The following MAGI3 variants were observed in gnomAD, a reference collection of about 807,000 sequenced individuals.
The protein encoded by MAGI3 is membrane associated guanylate kinase, WW and PDZ domain containing 3.
A neutral mutation model predicts 121.8 loss-of-function variants in MAGI3; 43 were observed. The observed-to-expected ratio is 0.35, with a 90% confidence interval of 0.28 to 0.46. MAGI3 has a LOEUF of 0.46. Ranked by LOEUF, MAGI3 falls within the 20% of genes least tolerant of loss-of-function variation. The probability of loss-of-function intolerance (pLI) is 1.00; values close to 1 mark genes in which losing one functional copy is unlikely to be tolerated. For missense variants in MAGI3, 1,547 were observed against 1,797.3 expected, an observed-to-expected ratio of 0.86 and a Z score of 2.52; for synonymous variants, 553 against 639.3, an observed-to-expected ratio of 0.86 and a Z score of 2.04.
intron 1 of MAGI3, among the ~76,000 whole-genome samples, chr1:113,432,107 C>T (rs1391306056): frequency 6.6e-6 from 1 of 152,098 alleles, no homozygotes; most frequent in Non-Finnish European, 1.5e-5. Flanking sequence ...ATAAACTGTT[C>T]ACTATATATT....
intron 18 of MAGI3, 25 bp from the exon 19 acceptor site, chr1:113,673,297 T>A: frequency 6.2e-7 from 1 of 1,604,084 alleles, no homozygotes. Flanking sequence ...GAGAACTTGC[T>A]TTTCTTATAC....
intron 1 of MAGI3, among the ~76,000 whole-genome samples, chr1:113,477,883 TC>T (rs1171852084): frequency 6.6e-6 from 1 of 152,246 alleles, no homozygotes; most frequent in Non-Finnish European, 1.5e-5. Flanking sequence ...GTAGATTTGG[TC>T]TTTTCACATA....
At chr1:113,536,517 T>C (rs1416303996) in intron 1 of MAGI3, among the ~76,000 whole-genome samples, 3 of 152,202 alleles carry the variant, frequency 2.0e-5, no homozygotes, top group African/African-American at 7.2e-5. Context: ...CTGAATTGCT[T>C]TTTTCAAATG....
chr1:113,526,164 G>C (rs11578447), intron 1 of MAGI3, among the ~76,000 whole-genome samples: 9,825 of 152,196 alleles, frequency 0.065, 351 homozygotes, highest in Non-Finnish European at 0.076. Flanking sequence ...TTGAGCTCTT[G>C]CTAAGTTGTT....
chr1:113,505,124 A>G (rs1053768302), intron 1 of MAGI3, among the ~76,000 whole-genome samples: 3 of 152,132 alleles, frequency 2.0e-5, no homozygotes, highest in African/African-American at 7.2e-5. Context: ...CAACAGGAGT[A>G]GGAAGGAAAA....
At chr1:113,569,104 G>T (rs542544361) in intron 2 of MAGI3, among the ~76,000 whole-genome samples, 2 of 152,074 alleles carry the variant, frequency 1.3e-5, no homozygotes, top group Non-Finnish European at 2.9e-5. Context: ...TTTAACTCAG[G>T]TTATACTAGT....
At chr1:113,471,297 C>A (rs1171818135) in intron 1 of MAGI3, among the ~76,000 whole-genome samples, 3 of 152,062 alleles carry the variant, frequency 2.0e-5, no homozygotes, top group African/African-American at 7.2e-5. Context: ...ATGGTATGAA[C>A]CTAGAATCAC....
At chr1:113,620,967 A>G (rs1650781175) in intron 8 of MAGI3, among the ~76,000 whole-genome samples, 1 of 152,230 alleles carries the variant, frequency 6.6e-6, no homozygotes, top group Non-Finnish European at 1.5e-5. Flanking sequence ...AATAAATGAT[A>G]GTTTCATTGT....
chr1:113,627,086 A>G (rs1557860122), intron 9 of MAGI3, among the ~76,000 whole-genome samples: 2 of 151,894 alleles, frequency 1.3e-5, no homozygotes, highest in South Asian at 4.1e-4. Context: ...TTTCCCTCTT[A>G]GTACTGCTTT....
Position 113,590,534 on chromosome 1 carries a change from A to G in MAGI3, c.814A>G (p.Ser272Gly), listed in dbSNP as rs529102615. ...ESSDWMKTVP[S>G]YNQTNSSMDF... is the part of the protein sequence containing the mutation. Reference sequence around the variant, plus strand: ...ATCTGACTGGATGAAGACTGTTCCAAGTTACAACCAAACAAATAGCTCCAT... The same window carrying G: ...ATCTGACTGGATGAAGACTGTTCCAGGTTACAACCAAACAAATAGCTCCAT... The change falls in exon 5 of 21, where the codon AGT becomes GGT. Residue 272 changes from serine to glycine, a missense_variant. Coordinates refer to ENST00000307546, the MANE Select transcript of MAGI3 (RefSeq NM_001142782.2). 1.9e-6 allele frequency: 3 copies of G among 1,613,796 alleles called. No homozygotes were observed. The highest frequency in any genetic ancestry group is 4.5e-5 in the East Asian group (2 of 44,868).
chr1:113,430,830 A>T (rs1466472723), intron 1 of MAGI3, among the ~76,000 whole-genome samples: 1 of 152,250 alleles, frequency 6.6e-6, no homozygotes, highest in Non-Finnish European at 1.5e-5. Flanking sequence ...TTAAGCTAGG[A>T]CATGTTCAAA....
intron 19 of MAGI3, among the ~76,000 whole-genome samples, chr1:113,679,496 C>T (rs1156493330): frequency 6.6e-6 from 1 of 152,062 alleles, no homozygotes. Context: ...TTTCTTTATC[C>T]AATGCAGCAT....
intron 1 of MAGI3, among the ~76,000 whole-genome samples, chr1:113,396,779 T>G (rs1475467387): frequency 1.3e-5 from 2 of 152,162 alleles, no homozygotes; most frequent in African/African-American, 4.8e-5. Flanking sequence ...TCAGAAATTG[T>G]GTGTCTTCAA....
rs398089532 is a variant in MAGI3 at position 113,684,611 on chromosome 1, A to AG, written c.*597_*598insG. On this transcript the variant is annotated 3_prime_UTR_variant, in exon 21 of 21. Transcript: ENST00000307546. The stretch of plus-strand genomic sequence containing the variant: ...CATCACTACTTTAAGGAAAAAAAAA[A>AG]TGTAGTCCAATATTGATGCTTTCTT... 2 of 152,304 alleles carry AG rather than the reference A, an allele frequency of 1.3e-5. No individual in the cohort carries two copies. The highest frequency in any genetic ancestry group is 2.9e-5 in the Non-Finnish European group (2 of 68,032). 9.4% of individuals were successfully genotyped at this position (152,304 alleles called of 1,614,324 possible).
At chr1:113,496,270 G>A (rs1656913531) in intron 1 of MAGI3, among the ~76,000 whole-genome samples, 2 of 152,104 alleles carry the variant, frequency 1.3e-5, no homozygotes, top group Non-Finnish European at 2.9e-5. Flanking sequence ...TTCTTTGCCA[G>A]GGGTAAGGTT....
intron 2 of MAGI3, among the ~76,000 whole-genome samples, chr1:113,557,121 CA>C (rs1660026412): frequency 6.6e-6 from 1 of 152,228 alleles, no homozygotes; most frequent in East Asian, 1.9e-4. Context: ...TTGGAGAGTC[CA>C]AAAGTTTCAG....
intron 1 of MAGI3, among the ~76,000 whole-genome samples, chr1:113,442,546 TA>T (rs1228073482): frequency 2.6e-5 from 4 of 151,998 alleles, no homozygotes; most frequent in African/African-American, 9.7e-5. Context: ...TTCTCAAAAA[TA>T]TATATGTGTA....
At chr1:113,398,757 G>A (rs769145526) in intron 1 of MAGI3, among the ~76,000 whole-genome samples, 4 of 151,972 alleles carry the variant, frequency 2.6e-5, no homozygotes, top group Non-Finnish European at 4.4e-5. Flanking sequence ...ATAGAATTAA[G>A]CTAAATTGGC....
At chr1:113,602,750 A>G (rs1164589381) in intron 6 of MAGI3, among the ~76,000 whole-genome samples, 5 of 152,052 alleles carry the variant, frequency 3.3e-5, no homozygotes, top group Non-Finnish European at 7.4e-5. Flanking sequence ...ACATGGTGAA[A>G]CCCTATTTCT....
Sources: allele counts gnomAD v4.1 joint callset (sites outside exome capture counted in the v4.1 genomes callset), GRCh38; gene constraint gnomAD v4.1.1; transcripts MANE v1.5; gene names NCBI Gene and HGNC (gene_info 2026-07-23, HGNC 2026-07-21).